CDIN1: variants seen among roughly 807,000 people sequenced by gnomAD.
CDIN1 encodes CDAN1 interacting nuclease 1, also known as CDAN1-interacting nuclease 1.
A neutral mutation model predicts 45.3 loss-of-function variants in CDIN1; 33 were observed. The observed-to-expected ratio is 0.73, with a 90% CI of 0.55 to 0.97. The LOEUF is 0.97. CDIN1 is among the 50% of genes least tolerant of loss of function. CDIN1 has a pLI of 0.00. For missense variants in CDIN1, 303 were observed against 339.4 expected (o/e 0.89, Z 0.84); for synonymous variants, 118 against 124.4 (o/e 0.95, Z 0.34).
At chr15:36,697,011 G>A (rs2042453839) in intron 7 of CDIN1, among the ~76,000 whole-genome samples, 1 of 150,482 alleles carries the variant, frequency 6.6e-6, no homozygotes, top group African/African-American at 2.5e-5. Context: ...TGTAGTCCCT[G>A]CTACCCAGGA....
At chr15:36,703,190 C>A (rs1280357949) in intron 8 of CDIN1, among the ~76,000 whole-genome samples, 1 of 87,042 alleles carries the variant, frequency 1.1e-5, no homozygotes, top group Non-Finnish European at 2.4e-5. Context: ...TGCACTCCAG[C>A]CTGGGCAATA....
At chr15:36,657,979 C>G in intron 5 of CDIN1, 74 bp downstream of exon 5, 3 of 1,286,048 alleles carry the variant, frequency 2.3e-6, no homozygotes, top group Non-Finnish European at 3.3e-6. Context: ...CACAGCATTT[C>G]AAGTCACTTA....
chr15:36,799,657 A>ATAGTT (rs1278558001), intron 10 of CDIN1: 1 of 152,230 alleles, frequency 6.6e-6, no homozygotes, highest in Non-Finnish European at 1.5e-5. Flanking sequence ...TTCAAGTGAT[A>ATAGTT]TAGTTTACTC....
intron 1 of CDIN1, among the ~76,000 whole-genome samples, chr15:36,631,298 A>G (rs2039668733): frequency 6.6e-6 from 1 of 152,200 alleles, no homozygotes; most frequent in Non-Finnish European, 1.5e-5. Context: ...CTCTTTAAAA[A>G]TATACAGTTC....
chr15:36,758,255 C>T (rs948998614), intron 10 of CDIN1, among the ~76,000 whole-genome samples: 1 of 152,130 alleles, frequency 6.6e-6, no homozygotes, highest in African/African-American at 2.4e-5. Context: ...TCCCCTACAC[C>T]CTCTACCTCC....
At chr15:36,758,011 T>G (rs986560399) in intron 10 of CDIN1, among the ~76,000 whole-genome samples, 1 of 152,126 alleles carries the variant, frequency 6.6e-6, no homozygotes, top group Admixed American at 6.6e-5. Flanking sequence ...AAATTAAACT[T>G]TATTATATGT....
At chr15:36,635,490 T>G (rs2039860163) in intron 1 of CDIN1, among the ~76,000 whole-genome samples, 1 of 152,144 alleles carries the variant, frequency 6.6e-6, no homozygotes, top group African/African-American at 2.4e-5. Flanking sequence ...GGGCTGACTT[T>G]GAGACTTGAG....
At chr15:36,709,990 TA>T (rs2043000230) in intron 10 of CDIN1, 29 bp downstream of exon 10, 3 of 1,508,010 alleles carry the variant, frequency 2.0e-6, no homozygotes, top group Non-Finnish European at 2.7e-6. Context: ...TCTTTTAAGA[TA>T]AACGATACTC....
chr15:36,646,672 A>G (rs1445324648), intron 3 of CDIN1, among the ~76,000 whole-genome samples: 1 of 147,822 alleles, frequency 6.8e-6, no homozygotes, highest in East Asian at 2.0e-4. Context: ...ATGCCAAAAA[A>G]TACATTCTTG....
intron 1 of CDIN1, among the ~76,000 whole-genome samples, chr15:36,621,731 A>C (rs959714609): frequency 1.3e-5 from 2 of 152,222 alleles, no homozygotes; most frequent in Non-Finnish European, 2.9e-5. Flanking sequence ...GTAAAAACAA[A>C]AAAAAATTTA....
intron 1 of CDIN1, chr15:36,613,895 C>G (rs2038764882): frequency 6.4e-7 from 1 of 1,554,512 alleles, no homozygotes; most frequent in Non-Finnish European, 8.8e-7. Flanking sequence ...AGACTTGGAA[C>G]GCACAGAGAA....
chr15:36,706,086 T>A (rs575041617), intron 8 of CDIN1: 2 of 152,300 alleles, frequency 1.3e-5, no homozygotes, highest in South Asian at 4.1e-4. Flanking sequence ...ATTCAAAGAA[T>A]CATAAGTAAC....
At chr15:36,673,406 G>A (rs181012113) in intron 5 of CDIN1, among the ~76,000 whole-genome samples, 43 of 152,124 alleles carry the variant, frequency 2.8e-4, no homozygotes, top group African/African-American at 1.0e-3. Context: ...TGAGTTGTGT[G>A]CAAAAAAGTA....
At chr15:36,601,150 T>A (rs1033648251) in intron 1 of CDIN1, among the ~76,000 whole-genome samples, 1 of 152,176 alleles carries the variant, frequency 6.6e-6, no homozygotes, top group Non-Finnish European at 1.5e-5. Flanking sequence ...TGTGAGGAGT[T>A]GGTTCCCTTT....
At chr15:36,781,303 AT>A (rs1305679538) in intron 10 of CDIN1, among the ~76,000 whole-genome samples, 1 of 152,224 alleles carries the variant, frequency 6.6e-6, no homozygotes, top group African/African-American at 2.4e-5. Context: ...AAGAATAGTA[AT>A]AAAATTTAAA....
At chr15:36,607,093 A>G (rs1216425135) in intron 1 of CDIN1, among the ~76,000 whole-genome samples, 1 of 152,174 alleles carries the variant, frequency 6.6e-6, no homozygotes, top group Non-Finnish European at 1.5e-5. Flanking sequence ...GGAAAAGTAC[A>G]TTGTTAAAAT....
At chr15:36,663,991 G>C (rs2041132227) in intron 5 of CDIN1, among the ~76,000 whole-genome samples, 1 of 152,120 alleles carries the variant, frequency 6.6e-6, no homozygotes, top group South Asian at 2.1e-4. Context: ...ATTATCTTTA[G>C]CAAACTTCAG....
intron 5 of CDIN1, among the ~76,000 whole-genome samples, chr15:36,666,545 T>G (rs535065742): frequency 2.6e-5 from 4 of 152,272 alleles, no homozygotes; most frequent in African/African-American, 9.6e-5. Context: ...GATCTCTGTT[T>G]AATCGTGTTA....
At chr15:36,720,710 C>T (rs1051081511) in intron 10 of CDIN1, among the ~76,000 whole-genome samples, 3 of 152,134 alleles carry the variant, frequency 2.0e-5, no homozygotes, top group Admixed American at 2.0e-4. Flanking sequence ...CAAGTCTTTG[C>T]TATTGTGAAT....
Sources: gnomAD v4.1 joint callset for allele counts (sites outside exome capture counted in the v4.1 genomes callset) on GRCh38, gnomAD v4.1.1 for gene constraint, MANE v1.5 for transcripts, NCBI Gene and HGNC (gene_info 2026-07-23, HGNC 2026-07-21) for gene names.